Variants in KIAA1217 observed in about 807,000 individuals in gnomAD.
KIAA1217 encodes the protein sickle tail protein homolog.
A neutral mutation model predicts 163.9 loss-of-function variants in KIAA1217; 88 were observed. The observed-to-expected ratio is 0.54, with a 90% CI of 0.45 to 0.64. The LOEUF (loss-of-function observed/expected upper bound fraction) is 0.64. KIAA1217 is among the 30% of genes least tolerant of loss of function. The pLI is 0.00. For missense variants in KIAA1217, 2,372 were observed against 2,475.0 expected, an observed-to-expected ratio of 0.96 and a Z score of 0.88; for synonymous variants, 903 against 923.1, an observed-to-expected ratio of 0.98 and a Z score of 0.39.
chr10:24,452,606 C>G (rs757443184), intron 5 of KIAA1217, among the ~76,000 whole-genome samples: 1 of 147,894 alleles, frequency 6.8e-6, no homozygotes, highest in African/African-American at 2.5e-5. Context: ...GGGGTGAACC[C>G]GGGAGTTTGA....
chr10:24,211,376 T>TTTTC (rs2068060479), intron 1 of KIAA1217, among the ~76,000 whole-genome samples: 1 of 141,440 alleles, frequency 7.1e-6, no homozygotes, highest in African/African-American at 2.6e-5. Context: ...TTTTTTTTTT[T>TTTTC]TTTTTTTTTT....
At chr10:24,006,366 AAT>A (rs1381861649) in intron 1 of KIAA1217, among the ~76,000 whole-genome samples, 2 of 152,190 alleles carry the variant, frequency 1.3e-5, no homozygotes, top group Non-Finnish European at 2.9e-5. Flanking sequence ...TTCTCCTTAA[AAT>A]ATGTTTCTCA....
At chr10:24,038,898 C>T (rs1257871457) in intron 2 of KIAA1217, among the ~76,000 whole-genome samples, 5 of 152,088 alleles carry the variant, frequency 3.3e-5, no homozygotes, top group East Asian at 1.9e-4. Flanking sequence ...CATGTGCCAC[C>T]ATGCCCGGCT....
chr10:24,102,007 A>G (rs2062435435), intron 2 of KIAA1217, among the ~76,000 whole-genome samples: 1 of 152,196 alleles, frequency 6.6e-6, no homozygotes, highest in South Asian at 2.1e-4. Flanking sequence ...AAGCCACTAA[A>G]CTGTACATTT....
At chr10:23,941,652 A>G (rs1589118895) in intron 1 of KIAA1217, among the ~76,000 whole-genome samples, 1 of 152,192 alleles carries the variant, frequency 6.6e-6, no homozygotes, top group East Asian at 1.9e-4. Context: ...AAATCCCCTA[A>G]GAATTTTAGC....
chr10:24,073,507 T>C (rs953627132), intron 2 of KIAA1217, among the ~76,000 whole-genome samples: 6 of 152,328 alleles, frequency 3.9e-5, no homozygotes, highest in Non-Finnish European at 8.8e-5. Flanking sequence ...ATCAGCTTAT[T>C]TGAGCTTTGC....
chr10:23,699,324 T>G (rs1175084596), intron 1 of KIAA1217, among the ~76,000 whole-genome samples: 1 of 152,218 alleles, frequency 6.6e-6, no homozygotes, highest in Non-Finnish European at 1.5e-5. Flanking sequence ...AATCACAGTT[T>G]CAGACACAGA....
At chr10:24,116,110 C>T (rs1398911222) in intron 2 of KIAA1217, among the ~76,000 whole-genome samples, 1 of 152,124 alleles carries the variant, frequency 6.6e-6, no homozygotes, top group Admixed American at 6.5e-5. Flanking sequence ...AACACTCTTA[C>T]ATCACCTGAT....
At chr10:24,424,837 G>A (rs906280486) in intron 3 of KIAA1217, among the ~76,000 whole-genome samples, 9 of 152,180 alleles carry the variant, frequency 5.9e-5, no homozygotes, top group African/African-American at 2.2e-4. Flanking sequence ...TCCTGACCTT[G>A]TGATCTGCCC....
intron 2 of KIAA1217, among the ~76,000 whole-genome samples, chr10:24,293,029 G>A (rs939768305): frequency 6.6e-6 from 1 of 152,034 alleles, no homozygotes; most frequent in Non-Finnish European, 1.5e-5. Flanking sequence ...TGCTCGGGAA[G>A]TTGTTTTTTG....
rs1210930891 is a variant in KIAA1217 at position 24,177,258 on chromosome 10, C to CATATATATATATAT, written c.-170-42341_-170-42328dup. On this transcript the variant is annotated intron_variant, in intron 2 of 18. Coordinates refer to the KIAA1217 transcript ENST00000376462. ...CTAGCACGTTTTCACCTCTCACCATCATATATATATATATATATATATATA... is the reference window on the plus strand; with the variant it reads ...CTAGCACGTTTTCACCTCTCACCATCATATATATATATATATATATATATATATATATATATATA... 3.1e-3 allele frequency among the ~76,000 whole-genome samples: 79 copies of CATATATATATATAT among 25,136 alleles called. 4 individuals are homozygous for CATATATATATATAT. Among genetic ancestry groups the CATATATATATATAT allele is most frequent in the African/African-American group, 9.2e-3 (51 of 5,570 alleles). The allele number at this position is 25,136 out of a possible 152,430, so 16.5% of individuals were successfully genotyped here.
At chr10:23,740,071 T>TGCCTCTTGA (rs1839024226) in intron 1 of KIAA1217, among the ~76,000 whole-genome samples, 1 of 152,072 alleles carries the variant, frequency 6.6e-6, no homozygotes, top group African/African-American at 2.4e-5. Context: ...GAGATGCCTA[T>TGCCTCTTGA]GTAAGTGGAG....
chr10:24,307,361 A>G (rs538472971), intron 2 of KIAA1217, among the ~76,000 whole-genome samples: 5 of 152,274 alleles, frequency 3.3e-5, no homozygotes, highest in African/African-American at 9.6e-5. Context: ...TGTGACTGCT[A>G]TTATTTCCTG....
chr10:24,167,120 A>G (rs772339666), intron 2 of KIAA1217, among the ~76,000 whole-genome samples: 3 of 152,104 alleles, frequency 2.0e-5, no homozygotes, highest in Non-Finnish European at 4.4e-5. Context: ...TTTAAAAAAT[A>G]TATTGAATGA....
intron 2 of KIAA1217, among the ~76,000 whole-genome samples, chr10:24,049,010 G>A (rs1424104220): frequency 2.6e-4 from 33 of 125,670 alleles, no homozygotes; most frequent in Non-Finnish European, 3.9e-4. Flanking sequence ...CAGCCTGGGC[G>A]ACAGAGTGAT....
At chr10:24,028,814 C>A (rs1350033169) in intron 2 of KIAA1217, among the ~76,000 whole-genome samples, 2 of 152,042 alleles carry the variant, frequency 1.3e-5, no homozygotes, top group African/African-American at 4.8e-5. Flanking sequence ...ATTATTGGTG[C>A]TATACCAATA....
At chr10:24,249,810 A>G (rs1411211545) in intron 2 of KIAA1217, among the ~76,000 whole-genome samples, 1 of 152,302 alleles carries the variant, frequency 6.6e-6, no homozygotes, top group African/African-American at 2.4e-5. Flanking sequence ...TCTTTAGACA[A>G]CAGGAGTGGA....
At chr10:24,038,747 CTTTTTTTTTTT>C (rs3072773) in intron 2 of KIAA1217, among the ~76,000 whole-genome samples, 1 of 76,308 alleles carries the variant, frequency 1.3e-5, no homozygotes, top group African/African-American at 5.3e-5. Context: ...CTGAGAATTG[CTTTTTTTTTTT>C]TTTTTTTTTT....
chr10:24,513,148 G>C, intron 9 of KIAA1217, 111 bp from the exon 10 acceptor site: 2 of 917,502 alleles, frequency 2.2e-6, no homozygotes, highest in Non-Finnish European at 3.4e-6. Flanking sequence ...AATAAGTAAA[G>C]ATTCAGCCGC....
Sources: allele counts gnomAD v4.1 joint callset (sites outside exome capture counted in the v4.1 genomes callset), GRCh38; gene constraint gnomAD v4.1.1; transcripts MANE v1.5; gene names NCBI Gene and HGNC (gene_info 2026-07-23, HGNC 2026-07-21).